Variants in RYR1 observed in about 807,000 individuals in gnomAD.
RYR1 encodes central core disease of muscle.
RYR1 carries 342 observed loss-of-function variants against 583.5 expected under a neutral mutation model. The ratio of observed to expected loss-of-function variants is 0.59; its 90% CI spans 0.54 to 0.64. RYR1 has a LOEUF of 0.64. RYR1 is among the 30% of genes least tolerant of loss of function. RYR1 has a pLI of 0.00. For synonymous variants in RYR1, 2,791 were observed against 2,822.5 expected, an observed-to-expected ratio of 0.99 and a Z score of 0.35; for missense variants, 6,032 against 6,917.2, an observed-to-expected ratio of 0.87 and a Z score of 4.54.
intron 28 of RYR1, among the ~76,000 whole-genome samples, chr19:38,474,377 C>A (rs1968601899): frequency 6.6e-6 from 1 of 151,900 alleles, no homozygotes; most frequent in South Asian, 2.1e-4. Context: ...ATTCTTCTGC[C>A]TCAGCCTCCT....
intron 7 of RYR1, among the ~76,000 whole-genome samples, chr19:38,445,710 C>T (rs572538527): frequency 1.5e-3 from 223 of 152,254 alleles, no homozygotes; most frequent in Non-Finnish European, 2.7e-3. Flanking sequence ...TACTCAAGGC[C>T]AAGCGCGGTG....
At chr19:38,466,469 C>A in intron 24 of RYR1, 71 bp downstream of exon 24, 4 of 1,315,150 alleles carry the variant, frequency 3.0e-6, no homozygotes, top group Non-Finnish European at 4.2e-6. Context: ...TCCCTGATCT[C>A]TGACCTGACT....
chr19:38,546,333 AAG>A (rs1286364497), intron 87 of RYR1, 110 bp from the exon 88 acceptor site: 9 of 828,740 alleles, frequency 1.1e-5, no homozygotes, highest in African/African-American at 1.7e-5. Flanking sequence ...CCTCGGAGGT[AAG>A]AGGGGAGAAA....
At position 38,523,036 on chromosome 19, in the gene RYR1, GGCTGACGGA is replaced by G. The variant is rs775358319; in HGVS notation, c.10271_10279del (p.Leu3424_Glu3426del). On this transcript the variant is annotated inframe_deletion, in exon 68 of 106. Transcript: ENST00000359596. ...CCCTCCGCTGACCCCAGGGCGCAGT[GGCTGACGGA>G]GCCGAATCCCAGCGCGGAGGAGCTG... is the stretch of plus-strand genomic sequence containing the variant. The G allele has an allele frequency of 6.3e-7, 1 of 1,598,462 alleles. No homozygotes were observed. The highest frequency in any genetic ancestry group is 1.3e-5 in the African/African-American group (1 of 74,532).
chr19:38,517,425 C>G lies in RYR1; in HGVS notation c.9752C>G (p.Ala3251Gly). 1 of 1,614,082 alleles carries G rather than the reference C, an allele frequency of 6.2e-7. No individual in the cohort carries two copies. Among genetic ancestry groups the G allele is most frequent in the Admixed American group, 1.7e-5 (1 of 60,010 alleles). Residue 3251 changes from alanine to glycine, a missense_variant, in exon 66 of 106, where the codon GCA becomes GGA. Coordinates refer to ENST00000359596, the MANE Select transcript of RYR1 (RefSeq NM_000540.3). ...ATCCCGGTGCTGGAGCGGCTCATGG[C>G]AGACATTGGGGGGCTGGCCGAGTCA... ...PDIPVLERLM[A>G]DIGGLAESGA...
chr19:38,507,861 C>CT, intron 58 of RYR1, 34 bp downstream of exon 58: 2 of 1,295,016 alleles, frequency 1.5e-6, no homozygotes, highest in Non-Finnish European at 2.2e-6. Context: ...ATGCCCGCCC[C>CT]ACCTGCAGAC....
At position 38,499,632 on chromosome 19, in the gene RYR1, C is replaced by T. The variant is rs1327659049; in HGVS notation, c.7028-3C>T. On this transcript the variant is annotated splice_polypyrimidine_tract_variant and splice_region_variant and intron_variant, in intron 43 of 105. Coordinates refer to ENST00000359596, the MANE Select transcript of RYR1 (RefSeq NM_000540.3). This position sits in a 1 kb window ranked among gnomAD's most constrained non-coding sequence, Gnocchi z 7.3. ...GACCCCCTTTCCCCATGCGGGTGGC[C>T]AGGCGAGAGCGTGGAGGAGAACGCC... is the stretch of plus-strand genomic sequence containing the variant. The T allele has an allele frequency of 2.5e-6, 4 of 1,597,472 alleles. No individual in the cohort carries two copies. The South Asian group carries it at 3.3e-5, about 13-fold the overall frequency.
At chr19:38,504,642 G>T in intron 50 of RYR1, 106 bp from the exon 51 acceptor site, 1 of 1,458,958 alleles carries the variant, frequency 6.9e-7, no homozygotes. Context: ...ATTCAGGTTT[G>T]GGGTTCAGGG....
At chr19:38,536,297 A>T (rs1384582048) in intron 82 of RYR1, among the ~76,000 whole-genome samples, 2 of 41,344 alleles carry the variant, frequency 4.8e-5, no homozygotes, top group Non-Finnish European at 1.0e-4. Context: ...CCCCGCCACC[A>T]GAAGTCATTC....
intron 50 of RYR1, 89 bp from the exon 51 acceptor site, chr19:38,504,659 G>C: frequency 2.6e-6 from 4 of 1,542,996 alleles, no homozygotes; most frequent in Non-Finnish European, 3.6e-6. Flanking sequence ...AGGGAGGAGG[G>C]CTGATGATTG....
At chr19:38,513,828 T>G (rs900858953) in intron 63 of RYR1, among the ~76,000 whole-genome samples, 1 of 152,208 alleles carries the variant, frequency 6.6e-6, no homozygotes, top group African/African-American at 2.4e-5. Flanking sequence ...GTTGAACTTT[T>G]GGGTGTAAGT....
intron 1 of RYR1, among the ~76,000 whole-genome samples, chr19:38,436,890 G>T (rs1972451347): frequency 6.6e-6 from 1 of 151,920 alleles, no homozygotes; most frequent in Non-Finnish European, 1.5e-5. Flanking sequence ...ACCCAGGCTG[G>T]GGTTTCTCAA....
chr19:38,466,057 G>A (rs1968081833), intron 23 of RYR1, 34 bp from the exon 24 acceptor site: 2 of 1,582,354 alleles, frequency 1.3e-6, no homozygotes, highest in African/African-American at 1.3e-5. Flanking sequence ...TGGAGGTGAG[G>A]GCCTTGTCCC....
chr19:38,506,576 C>T (rs562194828), intron 56 of RYR1, 30 bp downstream of exon 56: 16 of 1,609,972 alleles, frequency 9.9e-6, no homozygotes, highest in Admixed American at 8.3e-5. Context: ...CCCCACGCTA[C>T]CCCCGTGGAT....
At chr19:38,515,964 A>G (rs894991869) in intron 64 of RYR1, 123 bp from the exon 65 acceptor site, 7 of 1,213,806 alleles carry the variant, frequency 5.8e-6, no homozygotes, top group African/African-American at 4.6e-5. Flanking sequence ...AGTGGCACAC[A>G]TGGATGAATG....
rs71165544 is a variant in RYR1, at chr19:38,438,616, C to CTTTTTTTTTTTTTTTT, written c.46-2124_46-2109dup. 2.1e-5 allele frequency among the ~76,000 whole-genome samples: 2 copies of CTTTTTTTTTTTTTTTT among 93,964 alleles called. 1 individual carries two copies. 61.6% of individuals were successfully genotyped at this position (93,964 alleles called of 152,430 possible). On this transcript the variant is annotated intron_variant, in intron 1 of 105. Coordinates refer to ENST00000359596, the MANE Select transcript of RYR1 (RefSeq NM_000540.3). ...CATTATGTATATTGCCCAGGCTAGTCTTTTTTTTTTTTTTTTTTTTGAGAT... is the reference window on the plus strand; with the variant it reads ...CATTATGTATATTGCCCAGGCTAGTCTTTTTTTTTTTTTTTTTTTTTTTTTTTTTTTTTTTTGAGAT...
Position 38,499,046 on chromosome 19 carries a change from G to A in RYR1, c.6892-62G>A. 1.2e-6 allele frequency: 2 copies of A among 1,603,580 alleles called. No individual in the cohort carries two copies. Among genetic ancestry groups the A allele is most frequent in the Non-Finnish European group, 8.5e-7 (1 of 1,174,434 alleles). ...AGGGCAGGGCAGGGCAGGGCAGAGG[G>A]CTGAGCCCCAGGAGGAAGGTGGCAT... On this transcript the variant is annotated intron_variant, in intron 42 of 105. Transcript: ENST00000359596. The surrounding 1 kb of genome is among the most constrained non-coding windows in gnomAD (Gnocchi z 7.3).
At chr19:38,585,398 A>ATATATATGTGTTTATATATATT (rs1362641684) in intron 102 of RYR1, among the ~76,000 whole-genome samples, 5 of 147,536 alleles carry the variant, frequency 3.4e-5, no homozygotes, top group Non-Finnish European at 7.4e-5. Context: ...GTTTATTTAT[A>ATATATATGTGTTTATATATATT]TATATATGTG....
chr19:38,463,913 G>A, intron 22 of RYR1, 63 bp downstream of exon 22: 3 of 1,186,342 alleles, frequency 2.5e-6, no homozygotes, highest in South Asian at 2.4e-5. Context: ...AGGGAGGCAT[G>A]GAGAGACAGG....
Sources: allele counts gnomAD v4.1 joint callset (sites outside exome capture counted in the v4.1 genomes callset), GRCh38; gene constraint gnomAD v4.1.1; non-coding constraint Gnocchi (gnomAD v3.1); transcripts MANE v1.5; gene names NCBI Gene and HGNC (gene_info 2026-07-23, HGNC 2026-07-21).